The following COL11A1 variants were observed in gnomAD, a reference collection of about 807,000 sequenced individuals.
COL11A1 encodes collagen alpha-1(XI) chain.
A neutral mutation model predicts 265.2 loss-of-function variants in COL11A1; 74 were observed. The ratio of observed to expected loss-of-function variants is 0.28; its 90% CI spans 0.23 to 0.34. COL11A1 has a LOEUF of 0.34. Ranked by LOEUF, COL11A1 falls within the 10% of genes least tolerant of loss-of-function variation. COL11A1 has a pLI of 1.00. For synonymous variants in COL11A1, 816 were observed against 727.6 expected (o/e 1.12, Z -1.96); for missense variants, 2,165 against 2,263.6 (o/e 0.96, Z 0.88).
In COL11A1 at chr1:102,877,744, C is replaced by G. The variant is rs1194475476; in HGVS notation, c.*275G>C. On this transcript the variant is annotated 3_prime_UTR_variant, in exon 67 of 67. Transcript: ENST00000370096. ...TTTCTTTTTTTGTTTTCTACAGCAC[C>G]AAAGAAATTCAAATAGGAAAAGGAG... 2.7e-6 allele frequency: 1 copy of G among 374,116 alleles called. No individual in the cohort carries two copies. The highest frequency in any genetic ancestry group is 2.1e-5 in the African/African-American group (1 of 48,134). The allele number at this position is 374,116 out of a possible 1,614,324, so 23.2% of individuals were successfully genotyped here.
At chr1:103,072,036 G>A (rs531180645) in intron 4 of COL11A1, among the ~76,000 whole-genome samples, 12 of 151,520 alleles carry the variant, frequency 7.9e-5, no homozygotes, top group African/African-American at 2.9e-4. Flanking sequence ...CTATATGCTG[G>A]GATTCAAAAT....
chr1:102,895,858 A>G (rs1224315541), intron 57 of COL11A1, among the ~76,000 whole-genome samples: 1 of 151,196 alleles, frequency 6.6e-6, no homozygotes, highest in Non-Finnish European at 1.5e-5. Flanking sequence ...TTTTCTAAGT[A>G]TAATTGTACT....
rs368574516 is a variant in COL11A1, at chr1:103,038,485, C to CGA, written c.652-7243_652-7242dup. 1.6e-4 allele frequency among the ~76,000 whole-genome samples: 24 copies of CGA among 148,874 alleles called. No homozygotes were observed. The East Asian group carries it at 3.5e-3, about 22-fold the overall frequency. ...ACTCTTTCTCCAAAAAGAGAGAGAG[C>CGA]GAGAGAGAGAGAGAGAAGTATATAT... On this transcript the variant is annotated intron_variant, in intron 4 of 66. Coordinates refer to ENST00000370096, the MANE Select transcript of COL11A1 (RefSeq NM_001854.4).
At chr1:103,101,330 G>A (rs1203724090) in intron 1 of COL11A1, among the ~76,000 whole-genome samples, 1 of 151,998 alleles carries the variant, frequency 6.6e-6, no homozygotes, top group Non-Finnish European at 1.5e-5. Flanking sequence ...AAGAGTAACA[G>A]TCAGCAGTAG....
chr1:102,896,001 A>G (rs1041758065), intron 57 of COL11A1, among the ~76,000 whole-genome samples: 2 of 151,918 alleles, frequency 1.3e-5, no homozygotes, highest in Non-Finnish European at 2.9e-5. Flanking sequence ...CAACATATTT[A>G]TCATTATTTC....
In COL11A1 at chr1:102,887,105, C is replaced by T. The variant is rs1487909108; in HGVS notation, c.4609-49G>A. 2.5e-6 allele frequency: 4 copies of T among 1,609,400 alleles called. No homozygotes were observed. The Admixed American group carries it at 5.0e-5, about 20-fold the overall frequency. The stretch of plus-strand genomic sequence containing the variant: ...CAATTGTTTCATAAAGTGGAATATT[C>T]TGCAGATATTAATTATTACTGGTTA... On this transcript the variant is annotated intron_variant, in intron 62 of 66. Transcript: ENST00000370096.
chr1:103,028,968 C>T (rs963246114), intron 5 of COL11A1, among the ~76,000 whole-genome samples: 1 of 151,892 alleles, frequency 6.6e-6, no homozygotes, highest in Non-Finnish European at 1.5e-5. Flanking sequence ...AGCTTGTCAC[C>T]TATTTAAATG....
rs1200182663 is a variant in COL11A1, at chr1:102,928,435, A to C, written c.3601-5046T>G. The stretch of plus-strand genomic sequence containing the variant: ...TCCCTACAAAGGACATGAACTCATC[A>C]TTTTTTATGGCTGCATAGTATTTCA... On this transcript the variant is annotated intron_variant, in intron 46 of 66. Transcript: ENST00000370096. Among the ~76,000 whole-genome samples, 5 of 151,998 alleles carry C rather than the reference A, an allele frequency of 3.3e-5. No homozygotes were observed. In the East Asian group the frequency reaches 7.8e-4, roughly 24 times the overall value.
intron 57 of COL11A1, among the ~76,000 whole-genome samples, chr1:102,892,286 G>A (rs1651873289): frequency 6.6e-6 from 1 of 152,046 alleles, no homozygotes; most frequent in Non-Finnish European, 1.5e-5. Flanking sequence ...TACATCATGA[G>A]TCACCACTAT....
chr1:103,087,206 A>G (rs1320946911), intron 1 of COL11A1, among the ~76,000 whole-genome samples: 1 of 152,252 alleles, frequency 6.6e-6, no homozygotes, highest in Non-Finnish European at 1.5e-5. Context: ...ATGTGTATGC[A>G]ATTCAGATGT....
At chr1:103,051,253 G>C (rs1669798922) in intron 4 of COL11A1, among the ~76,000 whole-genome samples, 1 of 152,230 alleles carries the variant, frequency 6.6e-6, no homozygotes. Flanking sequence ...TCTCCACCCA[G>C]TTTGAGCTTC....
At chr1:103,078,200 C>T (rs1269620448) in intron 3 of COL11A1, among the ~76,000 whole-genome samples, 1 of 152,084 alleles carries the variant, frequency 6.6e-6, no homozygotes, top group Admixed American at 6.6e-5. Flanking sequence ...CACTCTTCTC[C>T]TGCCATGCTG....
intron 1 of COL11A1, among the ~76,000 whole-genome samples, chr1:103,101,697 A>G (rs1010171088): frequency 2.0e-5 from 3 of 151,964 alleles, no homozygotes; most frequent in Non-Finnish European, 4.4e-5. Context: ...GAGCCATTCA[A>G]GAGCAATTAA....
At chr1:103,068,173 A>G (rs1671298107) in intron 4 of COL11A1, among the ~76,000 whole-genome samples, 1 of 151,754 alleles carries the variant, frequency 6.6e-6, no homozygotes, top group South Asian at 2.1e-4. Context: ...CCTCATTAAT[A>G]TAGACTAAAA....
rs1017946699 is a variant in COL11A1 at position 103,108,235 on chromosome 1, C to A, written c.-57G>T. 8 of 1,342,162 alleles carry A rather than the reference C, an allele frequency of 6.0e-6. No homozygotes were observed. The African/African-American group carries it at 7.2e-5, about 12-fold the overall frequency. 83.1% of individuals were successfully genotyped at this position (1,342,162 alleles called of 1,614,324 possible). Reference sequence around the variant, plus strand: ...AACCCACGAAATTGCGACTGCAGACCAACTTCGTCCTTTCCAAGGTATCGC... The same window carrying A: ...AACCCACGAAATTGCGACTGCAGACAAACTTCGTCCTTTCCAAGGTATCGC... On this transcript the variant is annotated 5_prime_UTR_variant, in exon 1 of 67. Transcript: ENST00000370096.
intron 63 of COL11A1, among the ~76,000 whole-genome samples, chr1:102,885,780 T>C (rs371172007): frequency 2.4e-3 from 365 of 152,276 alleles, no homozygotes; most frequent in African/African-American, 8.2e-3. Flanking sequence ...CAGTTAAAAG[T>C]AAATCTCCTT....
At chr1:103,093,270 A>C (rs1052596476) in intron 1 of COL11A1, among the ~76,000 whole-genome samples, 1 of 152,122 alleles carries the variant, frequency 6.6e-6, no homozygotes, top group Admixed American at 6.6e-5. Context: ...GTGGTTCGAT[A>C]ATTTTAGAAA....
intron 1 of COL11A1, among the ~76,000 whole-genome samples, chr1:103,088,301 T>C (rs1343783226): frequency 3.9e-5 from 6 of 152,216 alleles, no homozygotes; most frequent in Non-Finnish European, 8.8e-5. Flanking sequence ...GGGCCTCCGT[T>C]TCTATATCAG....
intron 1 of COL11A1, among the ~76,000 whole-genome samples, chr1:103,095,560 G>A (rs968163936): frequency 2.0e-5 from 3 of 151,990 alleles, no homozygotes; most frequent in African/African-American, 4.8e-5. Flanking sequence ...CAAAGAACCC[G>A]AGACAATAGT....
Sources: allele counts gnomAD v4.1 joint callset (sites outside exome capture counted in the v4.1 genomes callset), GRCh38; gene constraint gnomAD v4.1.1; transcripts MANE v1.5; gene names NCBI Gene and HGNC (gene_info 2026-07-23, HGNC 2026-07-21).